The following CSMD1 variants were observed in gnomAD, a reference collection of about 807,000 sequenced individuals.
CSMD1 encodes the protein CUB and sushi domain-containing protein 1.
In CSMD1, 213 loss-of-function variants were observed where a neutral mutation model predicts 417.5. That is an observed-to-expected ratio of 0.51 (90% confidence interval 0.46 to 0.57). The LOEUF is 0.57. Ranked by LOEUF, CSMD1 falls within the 20% of genes least tolerant of loss-of-function variation. The pLI is 0.00. For synonymous variants in CSMD1, 2,862 were observed against 1,736.8 expected (o/e 1.65, Z -16.11); for missense variants, 6,923 against 4,529.7 (o/e 1.53, Z -15.17).
At chr8:4,085,216 T>C (rs575453124) in intron 3 of CSMD1, among the ~76,000 whole-genome samples, 1 of 152,240 alleles carries the variant, frequency 6.6e-6, no homozygotes, top group South Asian at 2.1e-4. Context: ...CAGCTAGACA[T>C]GAATCATCTG....
At chr8:3,925,871 T>G (rs1363782661) in intron 5 of CSMD1, among the ~76,000 whole-genome samples, 1 of 152,022 alleles carries the variant, frequency 6.6e-6, no homozygotes, top group African/African-American at 2.4e-5. Flanking sequence ...TTAATTTATT[T>G]TATTCAAGTT....
intron 3 of CSMD1, among the ~76,000 whole-genome samples, chr8:4,115,278 A>T (rs1040038104): frequency 1.3e-5 from 2 of 152,224 alleles, no homozygotes; most frequent in Non-Finnish European, 2.9e-5. Context: ...GAACGCTTAG[A>T]TAATTTTTAG....
chr8:4,377,838 C>A (rs191204658), intron 3 of CSMD1, among the ~76,000 whole-genome samples: 1 of 152,204 alleles, frequency 6.6e-6, no homozygotes, highest in Non-Finnish European at 1.5e-5. Flanking sequence ...ATTTTTGCCC[C>A]AATTAGTATA....
intron 2 of CSMD1, among the ~76,000 whole-genome samples, chr8:4,524,695 G>C (rs891250173): frequency 6.6e-6 from 1 of 151,004 alleles, no homozygotes; most frequent in Non-Finnish European, 1.5e-5. Flanking sequence ...AATACGCCCA[G>C]AGTTTTTAAA....
At chr8:3,305,011 T>C (rs909634491) in intron 25 of CSMD1, among the ~76,000 whole-genome samples, 2 of 152,158 alleles carry the variant, frequency 1.3e-5, no homozygotes, top group Non-Finnish European at 2.9e-5. Flanking sequence ...AATCTAGCAT[T>C]TGTGAATTCA....
intron 26 of CSMD1, among the ~76,000 whole-genome samples, chr8:3,246,117 G>T: frequency 6.6e-6 from 1 of 151,992 alleles, no homozygotes; most frequent in South Asian, 2.1e-4. Flanking sequence ...AAGGCACATC[G>T]GTTCATGTCA....
intron 3 of CSMD1, among the ~76,000 whole-genome samples, chr8:4,146,000 C>T (rs1343423581): frequency 6.6e-6 from 1 of 150,866 alleles, no homozygotes; most frequent in African/African-American, 2.5e-5. Context: ...TTGTACCCTG[C>T]ACTAACTAGG....
intron 1 of CSMD1, among the ~76,000 whole-genome samples, chr8:4,977,861 G>T (rs528103244): frequency 1.3e-5 from 2 of 152,338 alleles, no homozygotes; most frequent in South Asian, 4.1e-4. Flanking sequence ...AAGCACAGTG[G>T]AAGAAGACCC....
chr8:4,187,009 C>G (rs1027111707), intron 3 of CSMD1, among the ~76,000 whole-genome samples: 8 of 152,002 alleles, frequency 5.3e-5, no homozygotes, highest in African/African-American at 7.2e-5. Context: ...AATAAAATAA[C>G]AAGTGTTCTT....
chr8:3,388,269 C>G (rs959397353), intron 17 of CSMD1, among the ~76,000 whole-genome samples: 2 of 152,156 alleles, frequency 1.3e-5, no homozygotes, highest in East Asian at 1.9e-4. Flanking sequence ...TACTATTAGC[C>G]TTTGCTAACG....
At chr8:3,841,906 C>A (rs918338717) in intron 5 of CSMD1, among the ~76,000 whole-genome samples, 1 of 151,988 alleles carries the variant, frequency 6.6e-6, no homozygotes, top group Non-Finnish European at 1.5e-5. Flanking sequence ...AAGCCTTTCC[C>A]ATGGGATGAT....
At chr8:4,898,728 C>G (rs902699433) in intron 1 of CSMD1, among the ~76,000 whole-genome samples, 12 of 152,048 alleles carry the variant, frequency 7.9e-5, no homozygotes, top group African/African-American at 2.4e-4. Context: ...TCCTTGAAAA[C>G]CTCTCTGACT....
chr8:4,318,661 T>C (rs1442524476), intron 3 of CSMD1, among the ~76,000 whole-genome samples: 1 of 151,788 alleles, frequency 6.6e-6, no homozygotes, highest in Admixed American at 6.6e-5. Flanking sequence ...TCACTGATTG[T>C]TTTTGATATC....
intron 2 of CSMD1, among the ~76,000 whole-genome samples, chr8:4,517,931 C>G (rs1271940669): frequency 6.6e-6 from 1 of 152,094 alleles, no homozygotes. Flanking sequence ...TATGACATTT[C>G]CATGTTTTAA....
chr8:3,003,784 G>C (rs610051), intron 52 of CSMD1, among the ~76,000 whole-genome samples: 7,339 of 152,208 alleles, frequency 0.048, 396 homozygotes, highest in African/African-American at 0.13. Context: ...GGTGAAAGAG[G>C]TGGCATTTAA....
At chr8:3,326,750 C>T (rs917078462) in intron 23 of CSMD1, among the ~76,000 whole-genome samples, 3 of 152,174 alleles carry the variant, frequency 2.0e-5, no homozygotes, top group African/African-American at 7.2e-5. Flanking sequence ...ACTGCCTCAT[C>T]TATTGTGATA....
intron 6 of CSMD1, among the ~76,000 whole-genome samples, chr8:3,743,500 T>C (rs981704707): frequency 6.6e-6 from 1 of 152,174 alleles, no homozygotes; most frequent in Admixed American, 6.5e-5. Flanking sequence ...AAAAGTTTCT[T>C]CAAAAAGAAT....
At chr8:4,441,193 G>C (rs1191251908) in intron 2 of CSMD1, among the ~76,000 whole-genome samples, 2 of 136,440 alleles carry the variant, frequency 1.5e-5, no homozygotes, top group African/African-American at 5.4e-5. Context: ...CAAACTCCTG[G>C]GATCAAGCAA....
At chr8:4,400,313 G>C (rs1804560362) in intron 3 of CSMD1, among the ~76,000 whole-genome samples, 1 of 152,180 alleles carries the variant, frequency 6.6e-6, no homozygotes, top group Admixed American at 6.5e-5. Flanking sequence ...CGCAGTTCCT[G>C]GTCCCATAGG....
Sources: gnomAD v4.1 joint callset for allele counts (sites outside exome capture counted in the v4.1 genomes callset) on GRCh38, gnomAD v4.1.1 for gene constraint, MANE v1.5 for transcripts, NCBI Gene and HGNC (gene_info 2026-07-23, HGNC 2026-07-21) for gene names.